ODR4: variants seen among roughly 807,000 people sequenced by gnomAD.
ODR4 encodes the protein odr-4 GPCR localization factor homolog, also known as protein odr-4 homolog.
A neutral mutation model predicts 60.2 loss-of-function variants in ODR4; 47 were observed. That is an observed-to-expected ratio of 0.78 (90% CI 0.62 to 1.00). The LOEUF (loss-of-function observed/expected upper bound fraction) is 1.00, where lower values mean the gene tolerates loss of function less well. Ranked by LOEUF, ODR4 falls within the 50% of genes least tolerant of loss-of-function variation. The probability of loss-of-function intolerance (pLI) is 0.00; values close to 1 mark genes in which losing one functional copy is unlikely to be tolerated. For missense variants in ODR4, 488 were observed against 530.8 expected, an observed-to-expected ratio of 0.92 and a Z score of 0.79; for synonymous variants, 178 against 175.5, an observed-to-expected ratio of 1.01 and a Z score of -0.11.
Position 186,398,957 on chromosome 1 carries a change from G to A in ODR4, c.913G>A (p.Val305Ile). The change falls in exon 11 of 14, where the codon GTA (valine) becomes ATA (isoleucine). Residue 305 changes from valine (V) to isoleucine (I), a missense_variant. Physicochemically the swap from Val to Ile is conservative, Grantham distance 29. Transcript: ENST00000287859. ...KPKVKDAVQAVKRDILNTVAD... is the reference protein window; with the variant it reads ...KPKVKDAVQAIKRDILNTVAD... The stretch of plus-strand genomic sequence containing the variant: ...TTTTGTGTGTTTTTCCCTGTAGGCA[G>A]TAAAGAGGGATATATTGAACACAGT... The A allele has an allele frequency of 1.9e-6, 3 of 1,606,874 alleles. No homozygotes were observed. The highest frequency in any genetic ancestry group is 1.1e-5 in the South Asian group (1 of 89,696).
At chr1:186,379,270 C>G (rs1382315497) in intron 1 of ODR4, among the ~76,000 whole-genome samples, 2 of 151,752 alleles carry the variant, frequency 1.3e-5, no homozygotes, top group Admixed American at 6.6e-5. Flanking sequence ...TGGTGAAACC[C>G]CGTCTCTACT....
downstream of ODR4, among the ~76,000 whole-genome samples, chr1:186,426,334 G>A (rs1571711661): frequency 6.6e-6 from 1 of 152,204 alleles, no homozygotes; most frequent in Admixed American, 6.5e-5. Flanking sequence ...AGCTGACTCA[G>A]TTGGGTGGCC....
At chr1:186,424,183 A>G (rs536023420), downstream of ODR4, among the ~76,000 whole-genome samples, 1 of 152,334 alleles carries the variant, frequency 6.6e-6, no homozygotes, top group Non-Finnish European at 1.5e-5. Context: ...AAAACAAATT[A>G]CGGGTTTTGT....
At position 186,382,590 on chromosome 1, in the gene ODR4, A is replaced by C. The variant is rs113777586; in HGVS notation, c.100-432A>C. On this transcript the variant is annotated intron_variant, in intron 2 of 13. Transcript: ENST00000287859. ...CCCTACTGTCATCATTTCAATTAAA[A>C]TAAGATACAAAAGGTCACTTGTTGT... is the stretch of plus-strand genomic sequence containing the variant. 6.9e-3 allele frequency among the ~76,000 whole-genome samples: 1,056 copies of C among 152,342 alleles called. 19 individuals carry two copies. Among genetic ancestry groups the C allele is most frequent in the African/African-American group, 0.025 (1,019 of 41,574 alleles).
At chr1:186,397,904 C>T (rs1399884872) in intron 9 of ODR4, among the ~76,000 whole-genome samples, 3 of 152,134 alleles carry the variant, frequency 2.0e-5, no homozygotes, top group African/African-American at 7.2e-5. Context: ...TCACATCCCA[C>T]TTTGTATTTG....
chr1:186,427,680 A>G, the ODR4 span, among the ~76,000 whole-genome samples: 1 of 152,196 alleles, frequency 6.6e-6, no homozygotes, highest in Non-Finnish European at 1.5e-5. Context: ...TTTCCAAAGT[A>G]TTTTCAATTT....
chr1:186,434,869 GT>G, the ODR4 span, among the ~76,000 whole-genome samples: 4,273 of 152,252 alleles, frequency 0.028, 83 homozygotes, highest in Non-Finnish European at 0.043. Context: ...ATAATTGTAT[GT>G]TGTTAGCAAT....
chr1:186,419,143 G>C lies in ODR4; in HGVS notation c.*67G>C, dbSNP rs962361409. ...ACAGACAATTATGAATAATAAAGAT[G>C]TTAACAATCCATCTGTATTTAAAAC... On this transcript the variant is annotated 3_prime_UTR_variant, in exon 14 of 14. Coordinates refer to ENST00000287859, the MANE Select transcript of ODR4 (RefSeq NM_017847.6). 7.5e-7 allele frequency: 1 copy of C among 1,341,804 alleles called. No homozygotes were observed. The highest frequency in any genetic ancestry group is 1.0e-6 in the Non-Finnish European group (1 of 953,010). 83.1% of individuals were successfully genotyped at this position (1,341,804 alleles called of 1,614,324 possible).
At chr1:186,428,394 C>T in the ODR4 span, among the ~76,000 whole-genome samples, 1 of 152,164 alleles carries the variant, frequency 6.6e-6, no homozygotes, top group Non-Finnish European at 1.5e-5. Flanking sequence ...GCTTCCTCAC[C>T]TCTCTTAGTC....
At chr1:186,408,502 C>CATATAAACAATATATAATGTTTATATATA (rs1381150513) in intron 12 of ODR4, among the ~76,000 whole-genome samples, 2 of 149,608 alleles carry the variant, frequency 1.3e-5, no homozygotes, top group Non-Finnish European at 3.0e-5. Flanking sequence ...TTTATATAAA[C>CATATAAACAATATATAATGTTTATATATA]ATATAAACAA....
At chr1:186,379,623 G>A (rs1481371050) in intron 1 of ODR4, 144 bp from the exon 2 acceptor site, 1 of 488,258 alleles carries the variant, frequency 2.0e-6, no homozygotes, top group Non-Finnish European at 3.6e-6. Context: ...TTGCAAGAAG[G>A]AATACACTAT....
chr1:186,401,139 A>G, intron 11 of ODR4: 4 of 1,596,972 alleles, frequency 2.5e-6, no homozygotes, highest in Non-Finnish European at 3.4e-6. Flanking sequence ...AAGTGGTATT[A>G]TATGGCTATC....
intron 12 of ODR4, among the ~76,000 whole-genome samples, chr1:186,411,197 G>A (rs577970517): frequency 6.6e-6 from 1 of 152,194 alleles, no homozygotes; most frequent in Admixed American, 6.5e-5. Context: ...TCTTGGGTTA[G>A]GAATGCTAAG....
chr1:186,399,280 C>T (rs904390269), intron 11 of ODR4: 40 of 506,762 alleles, frequency 7.9e-5, no homozygotes, highest in South Asian at 1.7e-4. Context: ...TCATGGCTCA[C>T]CTGCAGCCTC....
intron 12 of ODR4, among the ~76,000 whole-genome samples, chr1:186,413,248 TCAA>T (rs1184258000): frequency 1.3e-5 from 2 of 151,980 alleles, no homozygotes; most frequent in African/African-American, 4.8e-5. Flanking sequence ...TTAGGGATGC[TCAA>T]CAAGTAAGTA....
intron 11 of ODR4, among the ~76,000 whole-genome samples, chr1:186,404,461 G>GT (rs1205025201): frequency 6.6e-6 from 1 of 152,092 alleles, no homozygotes; most frequent in East Asian, 1.9e-4. Context: ...GTTTGAAATG[G>GT]TTTTAAAATT....
At position 186,383,678 on chromosome 1, in the gene ODR4, GAT is replaced by G. The variant is rs60229243; in HGVS notation, c.234+541_234+542del. Among the ~76,000 whole-genome samples, 1,339 of 140,454 alleles carry G rather than the reference GAT, an allele frequency of 9.5e-3. 29 individuals are homozygous for G. The highest frequency in any genetic ancestry group is 0.031 in the African/African-American group (1,193 of 38,722). 92.1% of individuals were successfully genotyped at this position (140,454 alleles called of 152,430 possible). On this transcript the variant is annotated intron_variant, in intron 3 of 13. Coordinates refer to ENST00000287859, the MANE Select transcript of ODR4 (RefSeq NM_017847.6). ...ACTCAAACGTGTTTCTGTGTATGTA[GAT>G]ATATATATATATATATATGGACATA...
chr1:186,397,245 C>T (rs992072509), intron 9 of ODR4, among the ~76,000 whole-genome samples: 5 of 152,106 alleles, frequency 3.3e-5, no homozygotes, highest in Non-Finnish European at 2.9e-5. Context: ...ATTATTTTTC[C>T]GCATTTATTC....
At chr1:186,417,678 A>G (rs1302689950) in intron 13 of ODR4, 24 bp downstream of exon 13, 1 of 1,139,546 alleles carries the variant, frequency 8.8e-7, no homozygotes, top group East Asian at 2.5e-5. Context: ...CTTCTTTTAT[A>G]ACACTGAAAA....
Sources: gnomAD v4.1 joint callset for allele counts (sites outside exome capture counted in the v4.1 genomes callset) on GRCh38, gnomAD v4.1.1 for gene constraint, MANE v1.5 for transcripts, NCBI Gene and HGNC (gene_info 2026-07-23, HGNC 2026-07-21) for gene names.